The following KPNA4 variants were observed in gnomAD, a reference collection of about 807,000 sequenced individuals.
KPNA4 encodes the protein importin subunit alpha-3.
In KPNA4, 13 loss-of-function variants were observed where a neutral mutation model predicts 71.3. The ratio of observed to expected loss-of-function variants is 0.18; its 90% CI spans 0.12 to 0.29. The LOEUF (loss-of-function observed/expected upper bound fraction) is 0.29, where lower values mean the gene tolerates loss of function less well. Among genes scored for constraint, KPNA4 ranks in the 10% least tolerant of loss-of-function variants. The probability of loss-of-function intolerance (pLI) is 1.00; values close to 1 mark genes in which losing one functional copy is unlikely to be tolerated. For missense variants in KPNA4, 334 were observed against 603.2 expected, an observed-to-expected ratio of 0.55 and a Z score of 4.67; for synonymous variants, 189 against 195.2, an observed-to-expected ratio of 0.97 and a Z score of 0.26.
intron 1 of KPNA4, among the ~76,000 whole-genome samples, chr3:160,561,245 T>C (rs1722239840): frequency 6.6e-6 from 1 of 152,088 alleles, no homozygotes; most frequent in Non-Finnish European, 1.5e-5. Context: ...TCATAAAAAG[T>C]ATGCAGGTTT....
chr3:160,522,745 A>G (rs1247068070), intron 10 of KPNA4, among the ~76,000 whole-genome samples: 1 of 152,222 alleles, frequency 6.6e-6, no homozygotes, highest in Admixed American at 6.5e-5. Flanking sequence ...GGCGTAAGCC[A>G]CTGCGCCCGG....
chr3:160,558,356 T>C (rs1301808919), intron 1 of KPNA4, among the ~76,000 whole-genome samples: 4 of 152,226 alleles, frequency 2.6e-5, no homozygotes, highest in Non-Finnish European at 4.4e-5. Context: ...TATTCTGATA[T>C]GGAACATAGG....
chr3:160,565,397 G>T lies in KPNA4; in HGVS notation c.-115C>A. ...CCGCCTGAGCTGCTGTGCCCGCCGCGCCGCCGCTTCCTTCCTCCTCTCACC... is the reference window on the plus strand; with the variant it reads ...CCGCCTGAGCTGCTGTGCCCGCCGCTCCGCCGCTTCCTTCCTCCTCTCACC... On this transcript the variant is annotated 5_prime_UTR_variant, in exon 1 of 17. Coordinates refer to ENST00000334256, the MANE Select transcript of KPNA4 (RefSeq NM_002268.5). The T allele has an allele frequency of 1.2e-6, 1 of 817,160 alleles. No homozygotes were observed. The highest frequency in any genetic ancestry group is 2.0e-6 in the Non-Finnish European group (1 of 512,428). The allele number at this position is 817,160 out of a possible 1,614,324, so 50.6% of individuals were successfully genotyped here.
chr3:160,508,315 T>G, intron 14 of KPNA4, 46 bp from the exon 15 acceptor site: 1 of 1,356,676 alleles, frequency 7.4e-7, no homozygotes, highest in Non-Finnish European at 1.0e-6. Context: ...AGGTAAACTT[T>G]GTGTGCCATG....
intron 1 of KPNA4, among the ~76,000 whole-genome samples, chr3:160,549,340 A>G (rs1721992094): frequency 6.6e-6 from 1 of 152,142 alleles, no homozygotes; most frequent in South Asian, 2.1e-4. Flanking sequence ...TAAGTGTCTT[A>G]TCCAAGAAAT....
At chr3:160,546,616 T>A (rs1195576413) in intron 1 of KPNA4, among the ~76,000 whole-genome samples, 1 of 152,188 alleles carries the variant, frequency 6.6e-6, no homozygotes, top group Non-Finnish European at 1.5e-5. Flanking sequence ...ATATGTCAAA[T>A]AAGATGAGGA....
chr3:160,551,985 C>T (rs1210411715), intron 1 of KPNA4, among the ~76,000 whole-genome samples: 2 of 147,276 alleles, frequency 1.4e-5, no homozygotes, highest in Non-Finnish European at 3.0e-5. Context: ...AAGTAGAGGC[C>T]ACAGATGCTG....
chr3:160,535,628 T>TTTC (rs1377118637), intron 4 of KPNA4, 33 bp downstream of exon 4: 1 of 1,588,416 alleles, frequency 6.3e-7, no homozygotes, highest in Admixed American at 1.8e-5. Context: ...GGACAAGAAA[T>TTTC]GCAAATGAAG....
chr3:160,515,101 G>A (rs1253075939), intron 12 of KPNA4: 1 of 519,644 alleles, frequency 1.9e-6, no homozygotes, highest in Non-Finnish European at 3.8e-6. Flanking sequence ...GCCACCACAA[G>A]CACACACACA....
In KPNA4 at chr3:160,514,493, G is replaced by A. The variant is rs538067396; in HGVS notation, c.1033-312C>T. Among the ~76,000 whole-genome samples the A allele has an allele frequency of 1.2e-4, 18 of 152,248 alleles. No individual in the cohort carries two copies. In the South Asian group the frequency reaches 3.5e-3, roughly 30 times the overall value. Reference sequence around the variant, plus strand: ...TGAGCAAATATGAAATAATGAATGAGCAAATATGAATAATGAGTATAATAC... The same window carrying A: ...TGAGCAAATATGAAATAATGAATGAACAAATATGAATAATGAGTATAATAC... On this transcript the variant is annotated intron_variant, in intron 12 of 16. Transcript: ENST00000334256.
At chr3:160,537,222 A>T (rs968169059) in intron 1 of KPNA4, among the ~76,000 whole-genome samples, 19 of 145,818 alleles carry the variant, frequency 1.3e-4, no homozygotes, top group African/African-American at 3.3e-4. Flanking sequence ...TCAACTATTT[A>T]AAAAAAAAAA....
intron 8 of KPNA4, among the ~76,000 whole-genome samples, chr3:160,527,432 G>A (rs1721479723): frequency 6.6e-6 from 1 of 152,104 alleles, no homozygotes; most frequent in Non-Finnish European, 1.5e-5. Context: ...GTTATGTCTT[G>A]TTGATTCATG....
Position 160,525,997 on chromosome 3 carries a change from C to A in KPNA4, c.667G>T (p.Val223Phe), listed in dbSNP as rs1577053091. Residue 223 changes from valine (V) to phenylalanine (F), a missense_variant, in exon 9 of 17, where the codon GTT (valine) becomes TTT (phenylalanine). Physicochemically the swap from Val to Phe is conservative, Grantham distance 50 (BLOSUM62 -1). Transcript: ENST00000334256. ...TTGTGGCGACATAAGTTGACCATAACCCAAGTAACATTTCTTAAGAATGTT... is the reference window on the plus strand; with the variant it reads ...TTGTGGCGACATAAGTTGACCATAAACCAAGTAACATTTCTTAAGAATGTT... Reference protein sequence around the residue: ...PITFLRNVTWVMVNLCRHKDP... With the variant: ...PITFLRNVTWFMVNLCRHKDP... The A allele has an allele frequency of 1.3e-6, 2 of 1,598,220 alleles. No homozygotes were observed. Among genetic ancestry groups the A allele is most frequent in the Non-Finnish European group, 1.7e-6 (2 of 1,173,334 alleles).
At position 160,501,115 on chromosome 3, in the gene KPNA4, T is replaced by C. The variant is rs1395616932; in HGVS notation, c.*989A>G. 6.6e-6 allele frequency: 1 copy of C among 152,222 alleles called. No individual in the cohort carries two copies. The highest frequency in any genetic ancestry group is 1.9e-4 in the East Asian group (1 of 5,164). 9.4% of individuals were successfully genotyped at this position (152,222 alleles called of 1,614,324 possible). A position where few individuals can be genotyped will look rare whatever the true frequency, so the allele number is the denominator to read the frequency against. On this transcript the variant is annotated 3_prime_UTR_variant, in exon 17 of 17. Transcript: ENST00000334256. ...AGTCTATTTTGAGGGAAATTTATGA[T>C]TTTTTTCATGCAAAAATCTACACAA...
At chr3:160,503,465 T>C (rs1560042986) in intron 16 of KPNA4, among the ~76,000 whole-genome samples, 2 of 152,146 alleles carry the variant, frequency 1.3e-5, no homozygotes, top group African/African-American at 2.4e-5. Flanking sequence ...AATCCAAAAC[T>C]GTTCTGGTCC....
intron 15 of KPNA4, among the ~76,000 whole-genome samples, chr3:160,505,509 G>A (rs565328042): frequency 6.6e-6 from 1 of 152,244 alleles, no homozygotes; most frequent in African/African-American, 2.4e-5. Flanking sequence ...GGAAAATGAT[G>A]AAGATCTAAC....
chr3:160,555,558 G>A (rs1158260082), intron 1 of KPNA4, among the ~76,000 whole-genome samples: 2 of 152,016 alleles, frequency 1.3e-5, no homozygotes, highest in Non-Finnish European at 2.9e-5. Context: ...ATAATAAAAT[G>A]GAACAATTAT....
At chr3:160,536,167 G>C (rs371084515) in intron 2 of KPNA4, among the ~76,000 whole-genome samples, 1 of 151,866 alleles carries the variant, frequency 6.6e-6, no homozygotes, top group East Asian at 1.9e-4. Flanking sequence ...AAAAACAAAA[G>C]TTTGACTAAA....
chr3:160,546,014 T>C lies in KPNA4; in HGVS notation c.70-9174A>G, dbSNP rs376635198. Among the ~76,000 whole-genome samples, 3 of 152,098 alleles carry C rather than the reference T, an allele frequency of 2.0e-5. No homozygotes were observed. The East Asian group carries it at 5.8e-4, about 29-fold the overall frequency. ...AGATCTAAGTTTAAGGTACTGATAA[T>C]GCATCGAATGAGATGTCAAGTAGTC... On this transcript the variant is annotated intron_variant, in intron 1 of 16. Coordinates refer to ENST00000334256, the MANE Select transcript of KPNA4 (RefSeq NM_002268.5).
Sources: gnomAD v4.1 joint callset for allele counts (sites outside exome capture counted in the v4.1 genomes callset) on GRCh38, gnomAD v4.1.1 for gene constraint, MANE v1.5 for transcripts, NCBI Gene and HGNC (gene_info 2026-07-23, HGNC 2026-07-21) for gene names.